Variants in TENM2 observed in about 807,000 individuals in gnomAD.
TENM2 encodes teneurin-2.
In TENM2, 52 loss-of-function variants were observed where a neutral mutation model predicts 245.2. That is an observed-to-expected ratio of 0.21 (90% CI 0.17 to 0.27). The LOEUF (loss-of-function observed/expected upper bound fraction) is 0.27. Among genes scored for constraint, TENM2 ranks in the 10% least tolerant of loss-of-function variants. The pLI is 1.00. For missense variants in TENM2, 3,046 were observed against 3,666.8 expected (o/e 0.83, Z 4.37); for synonymous variants, 1,363 against 1,438.9 (o/e 0.95, Z 1.19).
intron 1 of TENM2, among the ~76,000 whole-genome samples, chr5:167,347,240 C>A (rs1254605560): frequency 2.0e-5 from 3 of 152,058 alleles, no homozygotes; most frequent in Non-Finnish European, 4.4e-5. Flanking sequence ...TCTTGATCAT[C>A]CAAGTCTGTA....
intron 2 of TENM2, among the ~76,000 whole-genome samples, chr5:167,637,282 T>C (rs1227754811): frequency 6.6e-6 from 1 of 152,170 alleles, no homozygotes; most frequent in Non-Finnish European, 1.5e-5. Context: ...TGGGATGAAG[T>C]AAAGCAAGCC....
the TENM2 span, among the ~76,000 whole-genome samples, chr5:167,226,882 T>C: frequency 6.6e-6 from 1 of 152,026 alleles, no homozygotes; most frequent in African/African-American, 2.4e-5. Flanking sequence ...TGCATAAACA[T>C]TTAGGATTAT....
At chr5:167,773,897 T>C (rs1197598052) in intron 2 of TENM2, among the ~76,000 whole-genome samples, 1 of 152,110 alleles carries the variant, frequency 6.6e-6, no homozygotes, top group Non-Finnish European at 1.5e-5. Context: ...TCGCTTGTTA[T>C]TACATTCAGA....
rs61476810 is a variant in TENM2 at position 167,646,200 on chromosome 5, C to CATATATATATAT, written c.503-229767_503-229756dup. On this transcript the variant is annotated intron_variant, in intron 2 of 28. Transcript: ENST00000518659. ...TTCATATATATATATATGTTGTTTT[C>CATATATATATAT]ATATATATATATATATATATATATA... Among the ~76,000 whole-genome samples the CATATATATATAT allele has an allele frequency of 4.1e-3, 260 of 63,298 alleles. 1 individual carries two copies. The highest frequency in any genetic ancestry group is 8.7e-3 in the East Asian group (14 of 1,608). 41.5% of individuals were successfully genotyped at this position (63,298 alleles called of 152,430 possible).
At chr5:167,140,393 C>T in the TENM2 span, among the ~76,000 whole-genome samples, 1 of 152,026 alleles carries the variant, frequency 6.6e-6, no homozygotes, top group Non-Finnish European at 1.5e-5. Context: ...TATTCATTCA[C>T]TCATTTTTTT....
rs143160718 is a variant in TENM2 at position 167,861,810 on chromosome 5, C to T, written c.503-14176C>T. Among the ~76,000 whole-genome samples the T allele has an allele frequency of 8.3e-4, 126 of 152,342 alleles. 1 individual carries two copies. Among genetic ancestry groups the T allele is most frequent in the Admixed American group, 5.7e-3 (88 of 15,310 alleles). ...AGCACAGGGCTCAAGCGACAGCAGT[C>T]AGAAGCAAAGCAGGCCTTTCTGCCT... is the stretch of plus-strand genomic sequence containing the variant. On this transcript the variant is annotated intron_variant, in intron 2 of 28. Coordinates refer to ENST00000518659, the Ensembl canonical transcript of TENM2.
intron 12 of TENM2, among the ~76,000 whole-genome samples, chr5:168,151,351 T>C (rs945904632): frequency 2.0e-5 from 3 of 152,202 alleles, no homozygotes; most frequent in Non-Finnish European, 2.9e-5. Flanking sequence ...TTTTAAATAA[T>C]AGCATTCAGT....
chr5:167,560,435 G>T (rs1773514072), intron 2 of TENM2, among the ~76,000 whole-genome samples: 1 of 151,934 alleles, frequency 6.6e-6, no homozygotes, highest in Non-Finnish European at 1.5e-5. Context: ...ATCAACTCCT[G>T]AATTTAATGC....
chr5:166,983,561 T>C, the TENM2 span, among the ~76,000 whole-genome samples: 2 of 152,116 alleles, frequency 1.3e-5, no homozygotes, highest in African/African-American at 4.8e-5. Flanking sequence ...ACAGCTAATA[T>C]GTTAGAATAG....
the TENM2 span, among the ~76,000 whole-genome samples, chr5:167,017,707 CTATT>C: frequency 2.6e-5 from 4 of 152,102 alleles, no homozygotes; most frequent in Non-Finnish European, 5.9e-5. Context: ...AAATTTATAA[CTATT>C]AAAGCTTTAG....
intron 10 of TENM2, 28 bp from the exon 13 acceptor site, chr5:168,124,822 C>A: frequency 1.3e-6 from 2 of 1,577,404 alleles, no homozygotes; most frequent in Non-Finnish European, 1.7e-6. Context: ...TACTTTTATT[C>A]TTTGGTTTTT....
At chr5:167,474,166 G>A (rs1767219899) in intron 2 of TENM2, among the ~76,000 whole-genome samples, 1 of 152,118 alleles carries the variant, frequency 6.6e-6, no homozygotes, top group Non-Finnish European at 1.5e-5. Flanking sequence ...TAGAGATGTA[G>A]ATGAAGTTGT....
At chr5:167,634,303 GC>G (rs1197341528) in intron 2 of TENM2, among the ~76,000 whole-genome samples, 15 of 152,290 alleles carry the variant, frequency 9.8e-5, no homozygotes, top group Admixed American at 2.0e-4. Context: ...CATAGAATTT[GC>G]AAGTAAGTTC....
intron 3 of TENM2, among the ~76,000 whole-genome samples, chr5:167,907,739 C>G: frequency 6.6e-6 from 1 of 150,478 alleles, no homozygotes; most frequent in East Asian, 1.9e-4. Context: ...TCCATTTCTA[C>G]AATAAATAAA....
intron 9 of TENM2, among the ~76,000 whole-genome samples, chr5:168,114,348 C>T (rs1398568467): frequency 1.3e-5 from 2 of 152,258 alleles, no homozygotes; most frequent in African/African-American, 2.4e-5. Flanking sequence ...ACTTCTGCTC[C>T]GTAATACTTC....
At chr5:167,760,219 T>A (rs995809239) in intron 2 of TENM2, among the ~76,000 whole-genome samples, 8 of 152,192 alleles carry the variant, frequency 5.3e-5, no homozygotes, top group African/African-American at 1.7e-4. Flanking sequence ...GTGGCTTCTC[T>A]TACCTAGAAC....
At position 167,500,027 on chromosome 5, in the gene TENM2, GGTGT is replaced by G. The variant is rs145940706; in HGVS notation, c.502+124567_502+124570del. Among the ~76,000 whole-genome samples, 165 of 136,726 alleles carry G rather than the reference GGTGT, an allele frequency of 1.2e-3. 2 individuals carry two copies. Among genetic ancestry groups the G allele is most frequent in the Admixed American group, 1.9e-3 (26 of 13,424 alleles). The allele number at this position is 136,726 out of a possible 152,430, so 89.7% of individuals were successfully genotyped here. Reference sequence around the variant, plus strand: ...ATGTGTGTGTGTATGTGTATGTGAGGGTGTGTGTGTGTGTGTTTGTACATATATA... The same window carrying G: ...ATGTGTGTGTGTATGTGTATGTGAGGGTGTGTGTGTGTTTGTACATATATA... On this transcript the variant is annotated intron_variant, in intron 2 of 28. Transcript: ENST00000518659.
intron 7 of TENM2, among the ~76,000 whole-genome samples, chr5:168,065,555 A>G (rs889990029): frequency 6.6e-6 from 1 of 152,212 alleles, no homozygotes; most frequent in East Asian, 1.9e-4. Flanking sequence ...TGAGTGTTCT[A>G]TTATACTTAG....
chr5:167,812,405 G>T (rs1055745624), intron 2 of TENM2, among the ~76,000 whole-genome samples: 2 of 152,204 alleles, frequency 1.3e-5, no homozygotes, highest in African/African-American at 2.4e-5. Flanking sequence ...CTCTCTGAGT[G>T]CAGGCACTGC....
Sources: gnomAD v4.1 joint callset for allele counts (sites outside exome capture counted in the v4.1 genomes callset) on GRCh38, gnomAD v4.1.1 for gene constraint, MANE v1.5 for transcripts, NCBI Gene and HGNC (gene_info 2026-07-23, HGNC 2026-07-21) for gene names.